Variants in PRP4K observed in about 807,000 individuals in gnomAD.
PRP4K encodes pre-mRNA processing factor kinase PRP4K.
the PRP4K span, among the ~76,000 whole-genome samples, chr6:4,036,757 A>G: frequency 6.6e-6 from 1 of 152,074 alleles, no homozygotes; most frequent in African/African-American, 2.4e-5. Context: ...TTGGAGGCCA[A>G]GGGAGAACCA....
chr6:4,040,184 G>T, the PRP4K span, among the ~76,000 whole-genome samples: 2 of 144,600 alleles, frequency 1.4e-5, no homozygotes, highest in African/African-American at 5.0e-5. Context: ...CCAGCCCCCA[G>T]TTTTTTTTTT....
At chr6:4,064,189 T>C in the PRP4K span, 1 of 152,574 alleles carries the variant, frequency 6.6e-6, no homozygotes, top group South Asian at 2.1e-4. Context: ...CAAAATTTTG[T>C]TTTAAAATAA....
the PRP4K span, chr6:4,056,609 G>C: frequency 9.4e-6 from 15 of 1,587,790 alleles, no homozygotes; most frequent in Non-Finnish European, 1.1e-5. Context: ...TGTGACAGGA[G>C]TCTTGATCAT....
chr6:4,030,181 G>A, the PRP4K span, among the ~76,000 whole-genome samples: 5 of 152,160 alleles, frequency 3.3e-5, no homozygotes, highest in Non-Finnish European at 5.9e-5. Flanking sequence ...GACCTCAGGT[G>A]ATCTGCCCAC....
At chr6:4,028,166 C>G in the PRP4K span, among the ~76,000 whole-genome samples, 2 of 152,236 alleles carry the variant, frequency 1.3e-5, no homozygotes, top group East Asian at 3.9e-4. Context: ...TCTTTCCCTT[C>G]CATAATAAAA....
the PRP4K span, among the ~76,000 whole-genome samples, chr6:4,042,925 A>G: frequency 1.1e-4 from 16 of 152,250 alleles, no homozygotes; most frequent in Admixed American, 7.2e-4. Context: ...CTGTGTGAAT[A>G]AAGTAAATAT....
At chr6:4,056,289 GAATTA>G in the PRP4K span, 1 of 1,479,676 alleles carries the variant, frequency 6.8e-7, no homozygotes, top group Non-Finnish European at 9.4e-7. Context: ...TTCCTGGCTT[GAATTA>G]AATTCCCTTG....
the PRP4K span, chr6:4,021,548 G>A: frequency 6.5e-7 from 1 of 1,532,910 alleles, no homozygotes; most frequent in Non-Finnish European, 8.8e-7. Flanking sequence ...GGGAAAGTTC[G>A]GGCCTAACGG....
chr6:4,029,518 A>G, the PRP4K span, among the ~76,000 whole-genome samples: 1 of 151,096 alleles, frequency 6.6e-6, no homozygotes, highest in Non-Finnish European at 1.5e-5. Context: ...TCACCTAGCT[A>G]ATTTTTTTAT....
At chr6:4,033,105 C>A in the PRP4K span, among the ~76,000 whole-genome samples, 1 of 152,120 alleles carries the variant, frequency 6.6e-6, no homozygotes, top group South Asian at 2.1e-4. Context: ...ATTATTACTT[C>A]ATGAACAGTG....
At chr6:4,053,397 A>T in the PRP4K span, among the ~76,000 whole-genome samples, 7 of 152,012 alleles carry the variant, frequency 4.6e-5, no homozygotes, top group African/African-American at 1.7e-4. Context: ...TTACATAGGT[A>T]AACTTGTGTC....
At chr6:4,064,230 T>A in the PRP4K span, 1 of 152,642 alleles carries the variant, frequency 6.6e-6, no homozygotes, top group Non-Finnish European at 1.5e-5. Context: ...TAAGTACCAC[T>A]TTATTCCTAA....
At chr6:4,057,192 G>C in the PRP4K span, 1 of 1,609,182 alleles carries the variant, frequency 6.2e-7, no homozygotes, top group Non-Finnish European at 8.5e-7. Flanking sequence ...AATAAGGTAA[G>C]ACATTAGCAT....
chr6:4,054,961 T>C, the PRP4K span, among the ~76,000 whole-genome samples: 26 of 152,364 alleles, frequency 1.7e-4, no homozygotes, highest in East Asian at 4.0e-3. Context: ...AACCTAATGC[T>C]AAACTAGTAT....
At chr6:4,052,221 T>G in the PRP4K span, 2 of 1,078,346 alleles carry the variant, frequency 1.9e-6, no homozygotes, top group Non-Finnish European at 2.5e-6. Flanking sequence ...AGCTCTGGTT[T>G]TTGTTTTTAA....
chr6:4,057,440 T>C, the PRP4K span, among the ~76,000 whole-genome samples: 1 of 152,188 alleles, frequency 6.6e-6, no homozygotes, highest in African/African-American at 2.4e-5. Context: ...TACACCCTTA[T>C]GGGTAAAAGT....
chr6:4,024,606 G>T, the PRP4K span, among the ~76,000 whole-genome samples: 753 of 152,066 alleles, frequency 5.0e-3, 7 homozygotes, highest in South Asian at 0.025. Flanking sequence ...TTGGTGATTG[G>T]TGACTATTTT....
the PRP4K span, chr6:4,062,974 TTAAG>T: frequency 6.6e-6 from 1 of 152,604 alleles, no homozygotes; most frequent in Admixed American, 6.5e-5. This position sits in a 1 kb window ranked among gnomAD's most constrained non-coding sequence, Gnocchi z 4.2. Context: ...ATGTAATTTT[TTAAG>T]TAAGTTCCAC....
chr6:4,036,900 T>C, the PRP4K span, among the ~76,000 whole-genome samples: 2 of 149,234 alleles, frequency 1.3e-5, no homozygotes, highest in African/African-American at 2.5e-5. Context: ...GTGGAAGGAT[T>C]GCCTCAGCCT....
Sources: allele counts gnomAD v4.1 joint callset (sites outside exome capture counted in the v4.1 genomes callset), GRCh38; gene constraint gnomAD v4.1.1; non-coding constraint Gnocchi (gnomAD v3.1); transcripts MANE v1.5; gene names NCBI Gene and HGNC (gene_info 2026-07-23, HGNC 2026-07-21).